SPATA9: variants seen among roughly 807,000 people sequenced by gnomAD.
SPATA9 encodes spermatogenesis associated 9.
A neutral mutation model predicts 25.5 loss-of-function variants in SPATA9; 27 were observed. That is an observed-to-expected ratio of 1.06 (90% confidence interval 0.78 to 1.46). The LOEUF is 1.46. SPATA9 is among the 40% of genes most tolerant of loss of function. The pLI is 0.00. For missense variants in SPATA9, 282 were observed against 297.5 expected (o/e 0.95, Z 0.38); for synonymous variants, 102 against 105.7 (o/e 0.97, Z 0.21).
At chr5:95,697,665 C>T (rs1479366213) in intron 1 of SPATA9, among the ~76,000 whole-genome samples, 3 of 152,188 alleles carry the variant, frequency 2.0e-5, no homozygotes, top group African/African-American at 4.8e-5. Flanking sequence ...TTGTCAAGCT[C>T]ATCATTGTGG....
chr5:95,725,003 A>C, the SPATA9 span, among the ~76,000 whole-genome samples: 2 of 151,838 alleles, frequency 1.3e-5, no homozygotes, highest in Admixed American at 1.3e-4. Flanking sequence ...GTGAGACCCC[A>C]TGTCTTAAAA....
rs1270492690 is a variant in SPATA9, at chr5:95,676,684, A to G, written c.151-1045T>C. Among the ~76,000 whole-genome samples the G allele has an allele frequency of 1.7e-4, 26 of 151,868 alleles. 1 individual carries two copies. The highest frequency in any genetic ancestry group is 1.7e-3 in the Admixed American group (26 of 15,256). On this transcript the variant is annotated intron_variant, in intron 2 of 4. Transcript: ENST00000274432. ...TTATATTTGAATTCTACCATCATCT[A>G]TTTTCCAGATTAGTGAATTTGCCTC...
chr5:95,692,005 T>C (rs536774445), intron 1 of SPATA9, among the ~76,000 whole-genome samples: 2 of 152,294 alleles, frequency 1.3e-5, no homozygotes, highest in South Asian at 4.1e-4. Flanking sequence ...TTTCCTGATA[T>C]TTAAACTGTC....
the SPATA9 span, among the ~76,000 whole-genome samples, chr5:95,724,846 A>G: frequency 2.6e-5 from 4 of 152,158 alleles, no homozygotes; most frequent in Non-Finnish European, 5.9e-5. Flanking sequence ...AAAATTTGCA[A>G]AGCACTTAAT....
At chr5:95,673,001 C>T (rs963569315) in intron 3 of SPATA9, among the ~76,000 whole-genome samples, 1 of 152,170 alleles carries the variant, frequency 6.6e-6, no homozygotes, top group African/African-American at 2.4e-5. Flanking sequence ...CATGTACCTC[C>T]CTGAACATGT....
intron 3 of SPATA9, among the ~76,000 whole-genome samples, chr5:95,665,018 C>G (rs1751637733): frequency 6.6e-6 from 1 of 152,112 alleles, no homozygotes; most frequent in Non-Finnish European, 1.5e-5. Flanking sequence ...TATGTTATAT[C>G]CACTCAGTGG....
chr5:95,652,265 C>T (rs1477852058), downstream of SPATA9: 2 of 1,549,668 alleles, frequency 1.3e-6, no homozygotes, highest in African/African-American at 2.7e-5. Flanking sequence ...TTCCACCTGA[C>T]CTCTAAATGT....
chr5:95,679,540 C>T (rs915984784), intron 2 of SPATA9, among the ~76,000 whole-genome samples: 12 of 152,190 alleles, frequency 7.9e-5, no homozygotes, highest in Admixed American at 7.9e-4. Flanking sequence ...TGCCATGTTA[C>T]TACTGTGCCT....
At position 95,670,128 on chromosome 5, in the gene SPATA9, G is replaced by A. The variant is rs559145842; in HGVS notation, c.378+5284C>T. On this transcript the variant is annotated intron_variant, in intron 3 of 4. Transcript: ENST00000274432. The stretch of plus-strand genomic sequence containing the variant: ...TCTATTTGGCACAACATTTCAATAC[G>A]CTATGACATATTAAGCATGCTCTAG... 8.7e-4 allele frequency among the ~76,000 whole-genome samples: 133 copies of A among 152,150 alleles called. 1 individual carries two copies. The highest frequency in any genetic ancestry group is 1.4e-3 in the Non-Finnish European group (94 of 68,024).
chr5:95,665,696 C>T (rs915335069), intron 3 of SPATA9, among the ~76,000 whole-genome samples: 4 of 152,184 alleles, frequency 2.6e-5, no homozygotes, highest in African/African-American at 4.8e-5. Flanking sequence ...ATTTCTGGGC[C>T]GGACACAGTG....
intron 1 of SPATA9, among the ~76,000 whole-genome samples, chr5:95,688,270 C>A: frequency 6.6e-6 from 1 of 152,140 alleles, no homozygotes; most frequent in Non-Finnish European, 1.5e-5. Context: ...TGTGAGACAG[C>A]ATCTCTCTCT....
chr5:95,707,304 A>C, the SPATA9 span, among the ~76,000 whole-genome samples: 73,711 of 151,986 alleles, frequency 0.48, 19,277 homozygotes, highest in African/African-American at 0.69. Flanking sequence ...TGGATTAGTT[A>C]AAACAGACAT....
the SPATA9 span, among the ~76,000 whole-genome samples, chr5:95,727,051 A>T: frequency 6.6e-6 from 1 of 151,778 alleles, no homozygotes; most frequent in Non-Finnish European, 1.5e-5. Flanking sequence ...CACCTTGAAG[A>T]CTCTGGCTCT....
intron 3 of SPATA9, among the ~76,000 whole-genome samples, chr5:95,666,723 T>C (rs565136797): frequency 2.0e-4 from 26 of 128,894 alleles, no homozygotes; most frequent in African/African-American, 7.8e-4. Flanking sequence ...AATTAGTGAC[T>C]GTAAGGCAGC....
the SPATA9 span, among the ~76,000 whole-genome samples, chr5:95,728,461 A>T: frequency 6.6e-6 from 1 of 152,220 alleles, no homozygotes; most frequent in Non-Finnish European, 1.5e-5. Flanking sequence ...GACAATGTTT[A>T]CTTTCTTTAT....
At position 95,660,297 on chromosome 5, in the gene SPATA9, C is replaced by G. The variant is rs545497118; in HGVS notation, c.475-1384G>C. On this transcript the variant is annotated intron_variant, in intron 4 of 4. Transcript: ENST00000274432. Reference sequence around the variant, plus strand: ...GGCACTAATCCCATTCATGAGGACTCTGCTCTCATTACCTAATCACTTCCC... The same window carrying G: ...GGCACTAATCCCATTCATGAGGACTGTGCTCTCATTACCTAATCACTTCCC... 2.6e-5 allele frequency among the ~76,000 whole-genome samples: 4 copies of G among 152,224 alleles called. No individual in the cohort carries two copies. The South Asian group carries it at 8.3e-4, about 32-fold the overall frequency.
chr5:95,666,919 C>A (rs1751864491), intron 3 of SPATA9, among the ~76,000 whole-genome samples: 1 of 152,124 alleles, frequency 6.6e-6, no homozygotes, highest in Admixed American at 6.5e-5. Context: ...GACAGAAATG[C>A]ACCAAAAGTT....
upstream of SPATA9, among the ~76,000 whole-genome samples, chr5:95,685,985 C>T (rs1180586423): frequency 1.3e-5 from 2 of 152,064 alleles, no homozygotes; most frequent in Admixed American, 6.6e-5. Context: ...TACAGGCACC[C>T]GCGACCACGC....
At chr5:95,723,063 A>G in the SPATA9 span, among the ~76,000 whole-genome samples, 4 of 152,246 alleles carry the variant, frequency 2.6e-5, no homozygotes. Context: ...AGTTTAGGAT[A>G]GCTGGATTTC....
Sources: allele counts gnomAD v4.1 joint callset (sites outside exome capture counted in the v4.1 genomes callset), GRCh38; gene constraint gnomAD v4.1.1; transcripts MANE v1.5; gene names NCBI Gene and HGNC (gene_info 2026-07-23, HGNC 2026-07-21).